The following STRIP2 variants were observed in gnomAD, a reference collection of about 807,000 sequenced individuals.
STRIP2 encodes striatin-interacting protein 2.
Under a neutral mutation model 107.1 loss-of-function variants are expected in STRIP2, and 84 were observed. The ratio of observed to expected loss-of-function variants is 0.78; its 90% CI spans 0.66 to 0.94. STRIP2 has a LOEUF of 0.94. Among genes scored for constraint, STRIP2 ranks in the 40% least tolerant of loss-of-function variants. The pLI is 0.00. For synonymous variants in STRIP2, 394 were observed against 400.4 expected, an observed-to-expected ratio of 0.98 and a Z score of 0.19; for missense variants, 888 against 1,034.2, an observed-to-expected ratio of 0.86 and a Z score of 1.94.
At chr7:129,436,732 G>A (rs1281245228) in intron 1 of STRIP2, among the ~76,000 whole-genome samples, 1 of 152,118 alleles carries the variant, frequency 6.6e-6, no homozygotes, top group East Asian at 1.9e-4. Flanking sequence ...TTCCTCTCTA[G>A]GGCTTTTAGA....
In STRIP2 at chr7:129,480,831, G is replaced by T. The variant is rs747062476; in HGVS notation, c.1991G>T (p.Cys664Phe). 7.4e-6 allele frequency: 12 copies of T among 1,613,756 alleles called. No individual in the cohort carries two copies. The highest frequency in any genetic ancestry group is 1.0e-5 in the Non-Finnish European group (12 of 1,179,894). Residue 664 changes from cysteine (C) to phenylalanine (F), a missense_variant, in exon 19 of 21, where the codon TGC (cysteine) becomes TTC (phenylalanine). Physicochemically the swap from Cys to Phe is radical, Grantham distance 205. Coordinates refer to ENST00000249344, the MANE Select transcript of STRIP2 (RefSeq NM_020704.3). ...TTCTGCTGGAGGAACCTCTTTTCCT[G>T]CATCAACCTCCTGAGGCTGCTCAAT... ...SQFCWRNLFS[C>F]INLLRLLNKL... is the part of the protein sequence containing the mutation.
chr7:129,450,299 C>T (rs1798148570), intron 3 of STRIP2, among the ~76,000 whole-genome samples: 1 of 152,166 alleles, frequency 6.6e-6, no homozygotes, highest in Non-Finnish European at 1.5e-5. Flanking sequence ...TTAACCTTCA[C>T]ACCCTCCATA....
At position 129,456,643 on chromosome 7, in the gene STRIP2, G is replaced by A. The variant is rs754137296; in HGVS notation, c.1038+1G>A. On this transcript the variant is annotated splice_donor_variant, in intron 9 of 20. Coordinates refer to ENST00000249344, the MANE Select transcript of STRIP2 (RefSeq NM_020704.3). LOFTEE classifies it high-confidence loss of function. The stretch of plus-strand genomic sequence containing the variant: ...GCGAGGCCGCCGTGGCTCTCGAAGG[G>A]TATGGACTGAAGCAGACAATGGTAT... 1.9e-6 allele frequency: 3 copies of A among 1,613,446 alleles called. No individual in the cohort carries two copies. The South Asian group carries it at 3.3e-5, about 18-fold the overall frequency.
In STRIP2 at chr7:129,455,332, C is replaced by T. The variant is rs1798315545; in HGVS notation, c.795C>T (p.Pro265=). 1.2e-6 allele frequency: 2 copies of T among 1,613,812 alleles called. No individual in the cohort carries two copies. The highest frequency in any genetic ancestry group is 1.3e-5 in the African/African-American group (1 of 74,908). The part of the protein sequence containing the change: ...KFCSGLAPHF[P]IKKVLLLLWK... ...GCAGTGGCCTGGCTCCTCACTTCCC[C>T]ATAAAGAAGGTCCTGCTCCTGCTCT... Residue 265 remains proline, a synonymous_variant, in exon 8 of 21, where the codon CCC becomes CCT. Transcript: ENST00000249344.
At chr7:129,441,212 TA>T (rs1287566694) in intron 2 of STRIP2, among the ~76,000 whole-genome samples, 2 of 152,062 alleles carry the variant, frequency 1.3e-5, no homozygotes, top group Non-Finnish European at 2.9e-5. Flanking sequence ...GTGCAAAACT[TA>T]AAAGCCTGGG....
At chr7:129,457,224 C>A (rs1285768077) in intron 9 of STRIP2, among the ~76,000 whole-genome samples, 1 of 152,194 alleles carries the variant, frequency 6.6e-6, no homozygotes, top group Non-Finnish European at 1.5e-5. Context: ...AGTGTACTTA[C>A]ACAAACCCAG....
chr7:129,434,525 G>A lies in STRIP2; in HGVS notation c.53G>A (p.Gly18Asp). The A allele has an allele frequency of 6.6e-7, 1 of 1,518,586 alleles. No homozygotes were observed. The highest frequency in any genetic ancestry group is 8.8e-7 in the Non-Finnish European group (1 of 1,140,622). The allele number at this position is 1,518,586 out of a possible 1,614,324, so 94.1% of individuals were successfully genotyped here. Reference protein sequence around the residue: ...GTGGPPANGNGNGGGKGKQAA... With the variant: ...GTGGPPANGNDNGGGKGKQAA... ...GGGGGCCCGCCCGCAAATGGCAATG[G>A]CAACGGCGGCGGCAAAGGGAAGCAG... The change falls in exon 1 of 21, where the codon GGC (glycine) becomes GAC (aspartate). Residue 18 changes from glycine (G) to aspartate (D), a missense_variant. Transcript: ENST00000249344.
chr7:129,453,095 C>T, intron 4 of STRIP2, 132 bp from the exon 5 acceptor site: 1 of 1,313,602 alleles, frequency 7.6e-7, no homozygotes, highest in Middle Eastern at 2.1e-4. Flanking sequence ...GTTCTTGGGG[C>T]CCCTGTCATA....
chr7:129,478,855 T>G (rs769384465), intron 18 of STRIP2, among the ~76,000 whole-genome samples: 8 of 152,226 alleles, frequency 5.3e-5, no homozygotes, highest in Non-Finnish European at 1.2e-4. Context: ...CATATTATTC[T>G]TTGAGATACT....
intron 1 of STRIP2, among the ~76,000 whole-genome samples, chr7:129,435,212 T>C (rs1398098638): frequency 6.6e-6 from 1 of 152,210 alleles, no homozygotes; most frequent in Non-Finnish European, 1.5e-5. Context: ...GGGGCAGTCC[T>C]GGAGTGGCTA....
At chr7:129,462,679 T>G (rs1408733621) in intron 13 of STRIP2, among the ~76,000 whole-genome samples, 1 of 150,978 alleles carries the variant, frequency 6.6e-6, no homozygotes, top group Non-Finnish European at 1.5e-5. Context: ...GTTTTCAGCC[T>G]CAGATCCACA....
intron 4 of STRIP2, among the ~76,000 whole-genome samples, chr7:129,452,928 T>C (rs1419880733): frequency 6.6e-6 from 1 of 152,236 alleles, no homozygotes; most frequent in South Asian, 2.1e-4. Flanking sequence ...TGATGATTCC[T>C]GGGAATGATT....
chr7:129,455,354 C>CTCTGGACCA lies in STRIP2; in HGVS notation c.823_824insCCATCTGGA (p.Trp274_Lys275insThrIleTrp). 6.2e-7 allele frequency: 1 copy of CTCTGGACCA among 1,613,338 alleles called. No individual in the cohort carries two copies. Among genetic ancestry groups the CTCTGGACCA allele is most frequent in the East Asian group, 2.2e-5 (1 of 44,824 alleles). On this transcript the variant is annotated inframe_insertion, in exon 8 of 21. Coordinates refer to ENST00000249344, the MANE Select transcript of STRIP2 (RefSeq NM_020704.3). ...CCCCATAAAGAAGGTCCTGCTCCTGCTCTGGAAGGTGGTCATGGTGAGTAA... is the reference window on the plus strand; with the variant it reads ...CCCCATAAAGAAGGTCCTGCTCCTGCTCTGGACCATCTGGAAGGTGGTCATGGTGAGTAA...
intron 1 of STRIP2, among the ~76,000 whole-genome samples, chr7:129,438,840 A>T (rs541140893): frequency 1.3e-5 from 2 of 152,334 alleles, no homozygotes; most frequent in South Asian, 4.1e-4. Context: ...TTATAATTTT[A>T]TTATAAAGGA....
chr7:129,486,696 G>T lies in STRIP2; in HGVS notation c.*867G>T, dbSNP rs931795154. On this transcript the variant is annotated 3_prime_UTR_variant, in exon 21 of 21. Coordinates refer to ENST00000249344, the MANE Select transcript of STRIP2 (RefSeq NM_020704.3). ...GAGGCTTTATTTATTCAGATGGTAT[G>T]TCCACTTGTGGTCGTGATCAATATA... 6.6e-6 allele frequency: 1 copy of T among 152,142 alleles called. No individual in the cohort carries two copies. The highest frequency in any genetic ancestry group is 1.5e-5 in the Non-Finnish European group (1 of 68,030). The allele number at this position is 152,142 out of a possible 1,614,324, so 9.4% of individuals were successfully genotyped here.
In STRIP2 at chr7:129,440,075, T is replaced by C. The variant is rs1797856686; in HGVS notation, c.183T>C (p.His61=). The C allele has an allele frequency of 1.9e-6, 3 of 1,614,140 alleles. No individual in the cohort carries two copies. The East Asian group carries it at 6.7e-5, about 36-fold the overall frequency. Residue 61 remains histidine, a synonymous_variant, in exon 2 of 21, where the codon CAT becomes CAC. Coordinates refer to ENST00000249344, the MANE Select transcript of STRIP2 (RefSeq NM_020704.3). Reference sequence around the variant, plus strand: ...TTGAGTATGGAGATGCAGATGGGCATGCAGCCGAGTTGTCAGGTATGAGGT... The same window carrying C: ...TTGAGTATGGAGATGCAGATGGGCACGCAGCCGAGTTGTCAGGTATGAGGT... ...LEFEYGDADG[H]AAELSELYSY...
At chr7:129,444,797 C>G (rs894641695) in intron 3 of STRIP2, among the ~76,000 whole-genome samples, 2 of 151,998 alleles carry the variant, frequency 1.3e-5, no homozygotes, top group African/African-American at 4.8e-5. Context: ...CTCACCAATC[C>G]CCAACCCAAA....
chr7:129,441,180 ATAT>A (rs1218268753), intron 2 of STRIP2, among the ~76,000 whole-genome samples: 18 of 152,176 alleles, frequency 1.2e-4, no homozygotes, highest in Non-Finnish European at 2.1e-4. Flanking sequence ...AAATAATAAA[ATAT>A]TATTTCACAA....
At chr7:129,456,150 C>CTTTTTTTTT (rs921473176) in intron 8 of STRIP2, among the ~76,000 whole-genome samples, 1 of 76,704 alleles carries the variant, frequency 1.3e-5, no homozygotes, top group African/African-American at 3.5e-5. Context: ...TCTTTTTTTT[C>CTTTTTTTTT]TTTTTTTTTT....
Sources: gnomAD v4.1 joint callset for allele counts (sites outside exome capture counted in the v4.1 genomes callset) on GRCh38, gnomAD v4.1.1 for gene constraint, MANE v1.5 for transcripts, NCBI Gene and HGNC (gene_info 2026-07-23, HGNC 2026-07-21) for gene names.